The following PCDH15 variants were observed in gnomAD, a reference collection of about 807,000 sequenced individuals.
PCDH15 encodes the protein protocadherin-15.
PCDH15 carries 129 observed loss-of-function variants against 178.5 expected under a neutral mutation model. The ratio of observed to expected loss-of-function variants is 0.72; its 90% confidence interval spans 0.63 to 0.84. The LOEUF (loss-of-function observed/expected upper bound fraction) is 0.84, where lower values mean the gene tolerates loss of function less well. Ranked by LOEUF, PCDH15 falls within the 40% of genes least tolerant of loss-of-function variation. The pLI is 0.00. For missense variants in PCDH15, 2,230 were observed against 2,099.9 expected, an observed-to-expected ratio of 1.06 and a Z score of -1.21; for synonymous variants, 800 against 732.0, an observed-to-expected ratio of 1.09 and a Z score of -1.50.
At chr10:53,889,513 C>T (rs549240423) in intron 26 of PCDH15, among the ~76,000 whole-genome samples, 1 of 151,590 alleles carries the variant, frequency 6.6e-6, no homozygotes, top group South Asian at 2.1e-4. Context: ...CACAAGAAAC[C>T]ATCACATGTT....
intron 18 of PCDH15, among the ~76,000 whole-genome samples, chr10:54,057,861 A>T (rs1333128212): frequency 6.6e-5 from 10 of 152,126 alleles, no homozygotes; most frequent in Non-Finnish European, 1.2e-4. Flanking sequence ...ATCCTGAATC[A>T]TCTCTTTCAA....
intron 1 of PCDH15, among the ~76,000 whole-genome samples, chr10:54,780,165 A>T (rs61854137): frequency 5.3e-5 from 8 of 152,300 alleles, no homozygotes; most frequent in African/African-American, 1.7e-4. Flanking sequence ...GGTGCCACAC[A>T]TAAGTTCTAG....
Position 54,304,514 on chromosome 10 carries a change from GT to G in PCDH15, c.876+12756del, listed in dbSNP as rs569909112. On this transcript the variant is annotated intron_variant, in intron 8 of 37. Coordinates refer to ENST00000644397, the MANE Select transcript of PCDH15 (RefSeq NM_001384140.1). Reference sequence around the variant, plus strand: ...TTGGGCATGAGAACAAACTTAGAATGTCCAAGGGATAGGAAAAAACGTCCTG... The same window carrying G: ...TTGGGCATGAGAACAAACTTAGAATGCCAAGGGATAGGAAAAAACGTCCTG... Among the ~76,000 whole-genome samples the G allele has an allele frequency of 6.8e-4, 103 of 152,138 alleles. 1 individual carries two copies. Among genetic ancestry groups the G allele is most frequent in the African/African-American group, 2.4e-3 (99 of 41,520 alleles).
intron 1 of PCDH15, among the ~76,000 whole-genome samples, chr10:54,798,858 G>A (rs1952339932): frequency 1.3e-5 from 2 of 152,006 alleles, no homozygotes; most frequent in African/African-American, 4.8e-5. Flanking sequence ...TTTATGAAAA[G>A]CTATTGTTTT....
intron 2 of PCDH15, among the ~76,000 whole-genome samples, chr10:55,603,323 G>A (rs200666838): frequency 0.06 from 8,920 of 149,862 alleles, 590 homozygotes; most frequent in East Asian, 0.32. Flanking sequence ...ACACTCTGCA[G>A]GATATTATCC....
At chr10:55,473,145 C>T (rs1444020307) in intron 2 of PCDH15, among the ~76,000 whole-genome samples, 3 of 152,088 alleles carry the variant, frequency 2.0e-5, no homozygotes, top group Non-Finnish European at 4.4e-5. Flanking sequence ...TTTACTTTCT[C>T]TAATATTAAC....
intron 25 of PCDH15, among the ~76,000 whole-genome samples, chr10:53,917,420 TGTTTA>T (rs1445626234): frequency 1.3e-5 from 2 of 152,152 alleles, no homozygotes; most frequent in African/African-American, 4.8e-5. Flanking sequence ...ACTAATGCTT[TGTTTA>T]AATAAAAAAA....
Position 55,118,816 on chromosome 10 carries a change from G to C in PCDH15, c.-80+47760C>G, listed in dbSNP as rs1456359835. Among the ~76,000 whole-genome samples, 4 of 152,336 alleles carry C rather than the reference G, an allele frequency of 2.6e-5. No individual in the cohort carries two copies. The East Asian group carries it at 7.7e-4, about 29-fold the overall frequency. On this transcript the variant is annotated intron_variant, in intron 2 of 5. Coordinates refer to the PCDH15 transcript ENST00000458638. ...CTCTTCAGCACCTGTGAGAGGAGCTGGTTCAGTGGACTTAGACTCTGATGC... is the reference window on the plus strand; with the variant it reads ...CTCTTCAGCACCTGTGAGAGGAGCTCGTTCAGTGGACTTAGACTCTGATGC...
intron 2 of PCDH15, among the ~76,000 whole-genome samples, chr10:55,566,497 T>C (rs1302798077): frequency 6.6e-6 from 1 of 151,344 alleles, no homozygotes; most frequent in East Asian, 1.9e-4. Context: ...ATAAAAGGCA[T>C]AAAATTGGAA....
intron 2 of PCDH15, among the ~76,000 whole-genome samples, chr10:54,970,308 C>T (rs1838900484): frequency 6.6e-6 from 1 of 151,842 alleles, no homozygotes; most frequent in African/African-American, 2.4e-5. Context: ...AAATTGGTAC[C>T]AAGAAGTTAG....
At chr10:55,353,522 T>C (rs888942322) in intron 2 of PCDH15, among the ~76,000 whole-genome samples, 7 of 152,108 alleles carry the variant, frequency 4.6e-5, no homozygotes, top group Admixed American at 3.9e-4. Context: ...ATAAAACTGA[T>C]ATTCCTACCT....
intron 2 of PCDH15, among the ~76,000 whole-genome samples, chr10:55,570,663 C>A (rs924169911): frequency 1.3e-5 from 2 of 151,900 alleles, no homozygotes; most frequent in Non-Finnish European, 1.5e-5. Context: ...TCTATGAATG[C>A]AGTGATTTAT....
intron 8 of PCDH15, among the ~76,000 whole-genome samples, chr10:54,295,745 G>A (rs60053790): frequency 6.6e-6 from 1 of 151,882 alleles, no homozygotes; most frequent in African/African-American, 2.4e-5. Context: ...ACCACGAAGG[G>A]ATAATCACCA....
chr10:54,065,071 C>T (rs949931171), intron 18 of PCDH15, among the ~76,000 whole-genome samples: 1 of 152,206 alleles, frequency 6.6e-6, no homozygotes, highest in African/African-American at 2.4e-5. Flanking sequence ...TACAGCCTGA[C>T]TCAGTGCCCT....
chr10:55,242,643 A>C (rs920162941), intron 1 of PCDH15, among the ~76,000 whole-genome samples: 1 of 152,024 alleles, frequency 6.6e-6, no homozygotes, highest in Non-Finnish European at 1.5e-5. Context: ...GGAGTTCAAG[A>C]CCAGCTAGGG....
intron 21 of PCDH15, chr10:53,995,057 A>G (rs1011629512): frequency 6.6e-6 from 1 of 152,098 alleles, no homozygotes. Flanking sequence ...TATTTATAGA[A>G]AGCTTTTTTA....
chr10:54,992,903 C>G (rs72800068), intron 2 of PCDH15, among the ~76,000 whole-genome samples: 3 of 152,008 alleles, frequency 2.0e-5, no homozygotes, highest in African/African-American at 4.8e-5. Context: ...ACTTATCACA[C>G]GACCTTATTT....
At chr10:54,146,874 T>G (rs2133246457) in intron 14 of PCDH15, among the ~76,000 whole-genome samples, 1 of 127,930 alleles carries the variant, frequency 7.8e-6, no homozygotes, top group African/African-American at 3.0e-5. Context: ...AAAAAATCAC[T>G]ATATATATAG....
At chr10:55,003,661 C>A (rs1839851238) in intron 2 of PCDH15, among the ~76,000 whole-genome samples, 1 of 152,118 alleles carries the variant, frequency 6.6e-6, no homozygotes, top group Admixed American at 6.6e-5. Context: ...TAATAGGACA[C>A]AATTGTAGGA....
Sources: gnomAD v4.1 joint callset for allele counts (sites outside exome capture counted in the v4.1 genomes callset) on GRCh38, gnomAD v4.1.1 for gene constraint, MANE v1.5 for transcripts, NCBI Gene and HGNC (gene_info 2026-07-23, HGNC 2026-07-21) for gene names.